The following SNX29 variants were observed in gnomAD, a reference collection of about 807,000 sequenced individuals.
SNX29 encodes sorting nexin-29.
Under a neutral mutation model 102.1 loss-of-function variants are expected in SNX29, and 78 were observed. That is an observed-to-expected ratio of 0.76 (90% CI 0.64 to 0.92). SNX29 has a LOEUF of 0.92. Ranked by LOEUF, SNX29 falls within the 40% of genes least tolerant of loss-of-function variation. The pLI, the probability that SNX29 is intolerant of heterozygous loss-of-function variation, is 0.00. For synonymous variants in SNX29, 580 were observed against 414.5 expected, an observed-to-expected ratio of 1.40 and a Z score of -4.85; for missense variants, 1,280 against 1,061.7, an observed-to-expected ratio of 1.21 and a Z score of -2.86.
intron 15 of SNX29, among the ~76,000 whole-genome samples, chr16:12,314,871 C>G (rs78281214): frequency 6.6e-6 from 1 of 152,152 alleles, no homozygotes; most frequent in Non-Finnish European, 1.5e-5. Flanking sequence ...ATGACACACA[C>G]GATGTTATTC....
intron 13 of SNX29, among the ~76,000 whole-genome samples, chr16:12,160,256 G>A (rs2055727497): frequency 6.6e-6 from 1 of 152,174 alleles, no homozygotes; most frequent in South Asian, 2.1e-4. Flanking sequence ...ATGTTGCTGA[G>A]GGGCGTCAGG....
At chr16:12,231,112 C>G (rs1473626849) in intron 14 of SNX29, among the ~76,000 whole-genome samples, 2 of 152,130 alleles carry the variant, frequency 1.3e-5, no homozygotes, top group African/African-American at 4.8e-5. Flanking sequence ...CTCGGCCTCC[C>G]AAAGTGCTGG....
chr16:12,358,645 C>T (rs1483615250), intron 16 of SNX29, among the ~76,000 whole-genome samples: 1 of 152,210 alleles, frequency 6.6e-6, no homozygotes, highest in African/African-American at 2.4e-5. Context: ...AGAAGGGGTC[C>T]AGCCCCGCAC....
At chr16:12,542,340 T>G (rs1479020140) in intron 20 of SNX29, among the ~76,000 whole-genome samples, 1 of 152,198 alleles carries the variant, frequency 6.6e-6, no homozygotes, top group Non-Finnish European at 1.5e-5. Flanking sequence ...AGCAAGAGAT[T>G]GTCTCAAAAG....
At chr16:12,486,029 A>G (rs1273701385) in intron 19 of SNX29, among the ~76,000 whole-genome samples, 3 of 152,214 alleles carry the variant, frequency 2.0e-5, no homozygotes, top group Non-Finnish European at 4.4e-5. Context: ...GACATTCCAT[A>G]TGAGCCTCAT....
chr16:12,274,999 C>T (rs774034984), intron 14 of SNX29, among the ~76,000 whole-genome samples: 1 of 152,202 alleles, frequency 6.6e-6, no homozygotes, highest in South Asian at 2.1e-4. Flanking sequence ...AATAGTCTCT[C>T]TTTCCTGCAA....
intron 19 of SNX29, among the ~76,000 whole-genome samples, chr16:12,518,524 C>T (rs1424329292): frequency 6.6e-6 from 1 of 152,212 alleles, no homozygotes; most frequent in African/African-American, 2.4e-5. Flanking sequence ...GCACCAGCTT[C>T]AGGGGCTGCT....
chr16:12,329,040 G>C (rs780960951), intron 15 of SNX29, among the ~76,000 whole-genome samples: 2 of 151,998 alleles, frequency 1.3e-5, no homozygotes, highest in African/African-American at 2.4e-5. Flanking sequence ...GGGAGGCTGA[G>C]GCAGGAGGAT....
At chr16:12,275,684 C>T (rs1409487462) in intron 14 of SNX29, among the ~76,000 whole-genome samples, 1 of 76,338 alleles carries the variant, frequency 1.3e-5, no homozygotes, top group Non-Finnish European at 2.5e-5. Flanking sequence ...TTTGTTTCCT[C>T]TCCAATTCTT....
At chr16:12,171,054 C>A (rs1425034734) in intron 13 of SNX29, among the ~76,000 whole-genome samples, 1 of 152,032 alleles carries the variant, frequency 6.6e-6, no homozygotes, top group Admixed American at 6.6e-5. Flanking sequence ...CTTGGAGGGA[C>A]CTTTCACTAG....
chr16:12,383,803 C>A (rs2083260312), intron 16 of SNX29, among the ~76,000 whole-genome samples: 1 of 127,740 alleles, frequency 7.8e-6, no homozygotes, highest in Admixed American at 8.0e-5. Flanking sequence ...CTATCAAATA[C>A]CATATCTTAT....
At chr16:12,149,472 G>T (rs11643720) in intron 13 of SNX29, among the ~76,000 whole-genome samples, 28,062 of 152,134 alleles carry the variant, frequency 0.18, 2,966 homozygotes, top group Middle Eastern at 0.24. Context: ...AAATTCACTT[G>T]TTTTGTTACC....
At chr16:12,468,294 C>T (rs2087165382) in intron 18 of SNX29, among the ~76,000 whole-genome samples, 2 of 150,266 alleles carry the variant, frequency 1.3e-5, no homozygotes, top group Admixed American at 1.3e-4. Flanking sequence ...CATGTCTCAG[C>T]CTCCCGAGTA....
chr16:12,147,660 G>A (rs771528637), intron 13 of SNX29, among the ~76,000 whole-genome samples: 6 of 152,184 alleles, frequency 3.9e-5, no homozygotes, highest in Non-Finnish European at 8.8e-5. Context: ...GCAGCCCGTG[G>A]CTCAGTTTAA....
rs74824352 is a variant in SNX29, at chr16:12,395,974, G to A, written c.1900-2472G>A. On this transcript the variant is annotated intron_variant, in intron 16 of 20. Transcript: ENST00000566228. Reference sequence around the variant, plus strand: ...CTTGTTATCAAGTTATGTTCCTAACGGAGGTTAGAAAGTTCCCAAATTCTT... The same window carrying A: ...CTTGTTATCAAGTTATGTTCCTAACAGAGGTTAGAAAGTTCCCAAATTCTT... 6.6e-3 allele frequency among the ~76,000 whole-genome samples: 1,000 copies of A among 152,306 alleles called. 13 individuals carry two copies. The highest frequency in any genetic ancestry group is 0.022 in the African/African-American group (934 of 41,566).
chr16:12,170,028 C>T (rs868337628), intron 13 of SNX29, among the ~76,000 whole-genome samples: 8 of 152,112 alleles, frequency 5.3e-5, no homozygotes, highest in Non-Finnish European at 8.8e-5. Flanking sequence ...TCTTGCTCTC[C>T]GTGCCGACAC....
At chr16:12,185,577 C>G (rs943777597) in intron 13 of SNX29, among the ~76,000 whole-genome samples, 1 of 152,222 alleles carries the variant, frequency 6.6e-6, no homozygotes, top group African/African-American at 2.4e-5. Flanking sequence ...ACCTTTCTCT[C>G]TCCCTCTGTC....
intron 20 of SNX29, chr16:12,527,103 A>G: frequency 2.2e-6 from 1 of 455,914 alleles, no homozygotes; most frequent in Non-Finnish European, 4.2e-6. Context: ...TCTTTTAATA[A>G]AAGCTCTTTG....
At chr16:12,233,253 C>T (rs1047651668) in intron 14 of SNX29, among the ~76,000 whole-genome samples, 2 of 152,194 alleles carry the variant, frequency 1.3e-5, no homozygotes, top group African/African-American at 4.8e-5. Flanking sequence ...GGATACTATA[C>T]AGCCTTAAAA....
Sources: gnomAD v4.1 joint callset for allele counts (sites outside exome capture counted in the v4.1 genomes callset) on GRCh38, gnomAD v4.1.1 for gene constraint, MANE v1.5 for transcripts, NCBI Gene and HGNC (gene_info 2026-07-23, HGNC 2026-07-21) for gene names.